The following FHIT variants were observed in gnomAD, a reference collection of about 807,000 sequenced individuals.
FHIT encodes fragile histidine triad diadenosine triphosphatase, also known as bis(5'-adenosyl)-triphosphatase.
In FHIT, 19 loss-of-function variants were observed where a neutral mutation model predicts 17.9. That is an observed-to-expected ratio of 1.06 (90% CI 0.74 to 1.56). The LOEUF (loss-of-function observed/expected upper bound fraction) is 1.56, where lower values mean the gene tolerates loss of function less well. FHIT is among the 40% of genes most tolerant of loss of function. The pLI is 0.00. For missense variants in FHIT, 248 were observed against 189.2 expected, an observed-to-expected ratio of 1.31 and a Z score of -1.82; for synonymous variants, 81 against 69.7, an observed-to-expected ratio of 1.16 and a Z score of -0.81.
chr3:60,467,601 G>A (rs1357045337), intron 5 of FHIT, among the ~76,000 whole-genome samples: 1 of 151,756 alleles, frequency 6.6e-6, no homozygotes, highest in African/African-American at 2.4e-5. Context: ...GAAGCATATT[G>A]TTTAATTTCC....
intron 4 of FHIT, among the ~76,000 whole-genome samples, chr3:60,703,960 C>A (rs1459257405): frequency 2.6e-5 from 4 of 151,728 alleles, no homozygotes; most frequent in Admixed American, 2.6e-4. Context: ...CATCATTTTC[C>A]TAGATTTGAA....
intron 3 of FHIT, among the ~76,000 whole-genome samples, chr3:60,938,241 A>G (rs1329780543): frequency 6.6e-6 from 1 of 152,192 alleles, no homozygotes; most frequent in Non-Finnish European, 1.5e-5. Context: ...TCCAAATAGG[A>G]AAAGACTTAA....
intron 2 of FHIT, among the ~76,000 whole-genome samples, chr3:61,098,125 A>G (rs907455162): frequency 2.0e-5 from 3 of 152,154 alleles, no homozygotes; most frequent in Non-Finnish European, 4.4e-5. Flanking sequence ...TAATTTTTGT[A>G]TATGATATAA....
intron 3 of FHIT, among the ~76,000 whole-genome samples, chr3:60,827,305 A>G (rs1382442969): frequency 6.6e-6 from 1 of 152,186 alleles, no homozygotes; most frequent in Non-Finnish European, 1.5e-5. Context: ...CCAAATCCCA[A>G]TACATGAAAC....
At chr3:61,131,765 C>A (rs769017916) in intron 2 of FHIT, among the ~76,000 whole-genome samples, 13 of 152,154 alleles carry the variant, frequency 8.5e-5, no homozygotes, top group Non-Finnish European at 1.8e-4. Flanking sequence ...ATAAGCCAGG[C>A]AGGACTGAAA....
intron 4 of FHIT, among the ~76,000 whole-genome samples, chr3:60,704,027 G>A (rs1290822422): frequency 6.6e-6 from 1 of 151,900 alleles, no homozygotes; most frequent in African/African-American, 2.4e-5. Flanking sequence ...AGTATTGATT[G>A]GCAGAGTTGA....
intron 3 of FHIT, among the ~76,000 whole-genome samples, chr3:60,894,315 C>G (rs1337394420): frequency 6.6e-6 from 1 of 152,216 alleles, no homozygotes; most frequent in Admixed American, 6.5e-5. Flanking sequence ...CTGTGCCAGA[C>G]AAAACTATGC....
intron 1 of FHIT, among the ~76,000 whole-genome samples, chr3:61,236,846 C>T (rs2040241815): frequency 6.6e-6 from 1 of 152,120 alleles, no homozygotes; most frequent in Non-Finnish European, 1.5e-5. Context: ...GCTTCCTGGC[C>T]CACTCAGAGT....
At chr3:61,067,645 C>T (rs1394276320) in intron 2 of FHIT, among the ~76,000 whole-genome samples, 1 of 152,142 alleles carries the variant, frequency 6.6e-6, no homozygotes, top group African/African-American at 2.4e-5. Flanking sequence ...ACAGAAACAG[C>T]ATTCACCAAC....
chr3:61,070,573 C>T (rs7653771), intron 2 of FHIT, among the ~76,000 whole-genome samples: 90,980 of 152,054 alleles, frequency 0.6, 28,092 homozygotes, highest in Non-Finnish European at 0.65. Context: ...TTTGGCTCTA[C>T]CCAGGATAAT....
At chr3:60,732,357 C>T in intron 4 of FHIT, 1 of 856,494 alleles carries the variant, frequency 1.2e-6, no homozygotes, top group Non-Finnish European at 2.0e-6. Context: ...GATGCCAGTA[C>T]CTCTATGCTT....
intron 2 of FHIT, among the ~76,000 whole-genome samples, chr3:61,066,886 C>T (rs1371502118): frequency 1.3e-5 from 2 of 152,176 alleles, no homozygotes; most frequent in Non-Finnish European, 2.9e-5. Flanking sequence ...GTTATCAACA[C>T]CTGGGGTGCT....
At chr3:61,240,463 C>A (rs2040348073) in intron 1 of FHIT, among the ~76,000 whole-genome samples, 1 of 152,128 alleles carries the variant, frequency 6.6e-6, no homozygotes, top group African/African-American at 2.4e-5. Context: ...CCAGGGTGGG[C>A]ATTTGCTCCA....
At chr3:60,644,375 G>T (rs1040563359) in intron 4 of FHIT, among the ~76,000 whole-genome samples, 1 of 152,084 alleles carries the variant, frequency 6.6e-6, no homozygotes, top group Non-Finnish European at 1.5e-5. Context: ...TTGAAAATTT[G>T]AAATTGATTA....
At chr3:59,942,851 G>A (rs1050199960) in intron 7 of FHIT, among the ~76,000 whole-genome samples, 1 of 151,862 alleles carries the variant, frequency 6.6e-6, no homozygotes, top group African/African-American at 2.4e-5. Flanking sequence ...GTCTCACTAT[G>A]TTGTCCAGGC....
chr3:61,220,958 C>T (rs941933668), intron 1 of FHIT, among the ~76,000 whole-genome samples: 1 of 152,206 alleles, frequency 6.6e-6, no homozygotes, highest in Non-Finnish European at 1.5e-5. Flanking sequence ...ATTTGCCATG[C>T]ATCAGAAAAA....
intron 4 of FHIT, among the ~76,000 whole-genome samples, chr3:60,767,564 T>C (rs190009297): frequency 3.9e-5 from 6 of 152,360 alleles, no homozygotes; most frequent in Non-Finnish European, 2.9e-5. Context: ...ATTCTAGTTA[T>C]ATATCCCAGA....
At chr3:59,880,043 C>T (rs1703343706) in intron 8 of FHIT, among the ~76,000 whole-genome samples, 1 of 150,898 alleles carries the variant, frequency 6.6e-6, no homozygotes, top group African/African-American at 2.4e-5. Context: ...TAGAAAACTT[C>T]TGCAAGAAGA....
chr3:60,902,401 A>C (rs1553763407), intron 3 of FHIT, among the ~76,000 whole-genome samples: 1 of 152,156 alleles, frequency 6.6e-6, no homozygotes, highest in East Asian at 1.9e-4. Context: ...TGGTAATAGG[A>C]TTTGGATTAT....
Sources: allele counts gnomAD v4.1 joint callset (sites outside exome capture counted in the v4.1 genomes callset), GRCh38; gene constraint gnomAD v4.1.1; transcripts MANE v1.5; gene names NCBI Gene and HGNC (gene_info 2026-07-23, HGNC 2026-07-21).